The following SRGAP1 variants were observed in gnomAD, a reference collection of about 807,000 sequenced individuals.
SRGAP1 encodes the protein SLIT-ROBO Rho GTPase activating protein 1.
A neutral mutation model predicts 121.9 loss-of-function variants in SRGAP1; 43 were observed. The ratio of observed to expected loss-of-function variants is 0.35; its 90% confidence interval spans 0.28 to 0.46. The LOEUF (loss-of-function observed/expected upper bound fraction) is 0.46. Among genes scored for constraint, SRGAP1 ranks in the 20% least tolerant of loss-of-function variants. SRGAP1 has a pLI of 1.00. For synonymous variants in SRGAP1, 447 were observed against 485.4 expected (o/e 0.92, Z 1.04); for missense variants, 1,102 against 1,350.9 (o/e 0.82, Z 2.89).
intron 1 of SRGAP1, among the ~76,000 whole-genome samples, chr12:63,849,579 T>G (rs1442231556): frequency 6.6e-6 from 1 of 152,224 alleles, no homozygotes; most frequent in Non-Finnish European, 1.5e-5. Context: ...ATAATACATT[T>G]TAGTAGCAGA....
At chr12:64,137,758 A>G (rs2036877752) in intron 21 of SRGAP1, among the ~76,000 whole-genome samples, 1 of 152,040 alleles carries the variant, frequency 6.6e-6, no homozygotes, top group African/African-American at 2.4e-5. Flanking sequence ...CCGCAGCCTC[A>G]AAGTGCTCAC....
intron 16 of SRGAP1, 58 bp downstream of exon 16, chr12:64,109,095 T>A: frequency 8.5e-7 from 1 of 1,179,734 alleles, no homozygotes; most frequent in South Asian, 2.0e-5. Flanking sequence ...TGTTCTTCGA[T>A]CCTGTAAAAT....
At chr12:63,960,436 C>T (rs2136378452) in intron 1 of SRGAP1, among the ~76,000 whole-genome samples, 1 of 152,168 alleles carries the variant, frequency 6.6e-6, no homozygotes, top group South Asian at 2.1e-4. Flanking sequence ...GTTCCTCTAC[C>T]CCCAGTCTGA....
At chr12:63,868,079 GTTTTTTTTT>G (rs1565927744) in intron 1 of SRGAP1, among the ~76,000 whole-genome samples, 11 of 63,470 alleles carry the variant, frequency 1.7e-4, no homozygotes, top group African/African-American at 7.0e-4. Flanking sequence ...TTTTTTTTTT[GTTTTTTTTT>G]TTTTGTTTTT....
chr12:63,864,646 G>A (rs992161893), intron 1 of SRGAP1, among the ~76,000 whole-genome samples: 2 of 152,154 alleles, frequency 1.3e-5, no homozygotes, highest in African/African-American at 4.8e-5. Flanking sequence ...CTCAAAATAT[G>A]TGAAAGTATT....
intron 1 of SRGAP1, among the ~76,000 whole-genome samples, chr12:63,919,296 G>C (rs2030935650): frequency 1.3e-5 from 2 of 151,990 alleles, no homozygotes; most frequent in South Asian, 4.2e-4. Context: ...GGGCTCAAGT[G>C]ATCCACCTGC....
At chr12:63,911,313 AAAAAG>A (rs1276809340) in intron 1 of SRGAP1, among the ~76,000 whole-genome samples, 4 of 151,696 alleles carry the variant, frequency 2.6e-5, no homozygotes, top group African/African-American at 7.3e-5. Flanking sequence ...AAAAAAAAAA[AAAAAG>A]AAAAGAAAAC....
At chr12:63,931,980 T>C (rs1182214511) in intron 1 of SRGAP1, among the ~76,000 whole-genome samples, 3 of 152,228 alleles carry the variant, frequency 2.0e-5, no homozygotes, top group Admixed American at 2.0e-4. Context: ...ATGCCTTGCA[T>C]GTTGTCAGTC....
chr12:64,028,077 A>G (rs534721950), intron 4 of SRGAP1, among the ~76,000 whole-genome samples: 1 of 152,360 alleles, frequency 6.6e-6, no homozygotes, highest in East Asian at 1.9e-4. Flanking sequence ...TTGAAATTCT[A>G]GTAAATTTGG....
At position 64,147,099 on chromosome 12, in the gene SRGAP1, T is replaced by C. The variant is rs2037064385; in HGVS notation, c.*4427T>C. On this transcript the variant is annotated 3_prime_UTR_variant, in exon 22 of 22. Coordinates refer to ENST00000355086, the MANE Select transcript of SRGAP1 (RefSeq NM_020762.4). ...TGTGTAGTGTGATGGTTATTATAGA[T>C]ATTTAAAGTATAGTAAGTGGCTGTG... 1 of 167,540 alleles carries C rather than the reference T, an allele frequency of 6.0e-6. No individual in the cohort carries two copies. Among genetic ancestry groups the C allele is most frequent in the Non-Finnish European group, 1.3e-5 (1 of 78,856 alleles). The allele number at this position is 167,540 out of a possible 1,614,324, so 10.4% of individuals were successfully genotyped here. A position where few individuals can be genotyped will look rare whatever the true frequency, so the allele number is the denominator to read the frequency against.
At chr12:63,992,965 T>C (rs2033595906) in intron 3 of SRGAP1, among the ~76,000 whole-genome samples, 2 of 152,090 alleles carry the variant, frequency 1.3e-5, no homozygotes, top group Non-Finnish European at 2.9e-5. Flanking sequence ...ATTACAGGTG[T>C]GAAGTTCTGC....
In SRGAP1 at chr12:63,845,169, G is replaced by A. The variant is rs114692119; in HGVS notation, c.67+286G>A. On this transcript the variant is annotated intron_variant, in intron 1 of 21. Coordinates refer to ENST00000355086, the MANE Select transcript of SRGAP1 (RefSeq NM_020762.4). Reference sequence around the variant, plus strand: ...CTTTAACTTAACCACCTTCAGCTGGGCAACTTATGTGGGAAGCAGGCAGCA... The same window carrying A: ...CTTTAACTTAACCACCTTCAGCTGGACAACTTATGTGGGAAGCAGGCAGCA... Among the ~76,000 whole-genome samples the A allele has an allele frequency of 5.9e-3, 898 of 152,282 alleles. 8 individuals are homozygous for A. Among genetic ancestry groups the A allele is most frequent in the African/African-American group, 0.019 (809 of 41,544 alleles).
chr12:63,857,704 C>T (rs142264621), intron 1 of SRGAP1, among the ~76,000 whole-genome samples: 19 of 152,278 alleles, frequency 1.2e-4, no homozygotes, highest in African/African-American at 4.6e-4. Flanking sequence ...TTTACATAGC[C>T]ACTTTGCTAG....
At chr12:64,075,320 A>G (rs895138556) in intron 8 of SRGAP1, among the ~76,000 whole-genome samples, 1 of 152,356 alleles carries the variant, frequency 6.6e-6, no homozygotes, top group African/African-American at 2.4e-5. Flanking sequence ...CGCTCATGCT[A>G]TTGTTTGTGG....
At chr12:63,915,639 T>C (rs534966326) in intron 1 of SRGAP1, among the ~76,000 whole-genome samples, 1 of 152,306 alleles carries the variant, frequency 6.6e-6, no homozygotes, top group Non-Finnish European at 1.5e-5. Context: ...CCTGTGGAAA[T>C]GTGAAAAACG....
At chr12:64,069,248 T>C (rs1192457039) in intron 8 of SRGAP1, among the ~76,000 whole-genome samples, 3 of 152,150 alleles carry the variant, frequency 2.0e-5, no homozygotes, top group Admixed American at 2.0e-4. Context: ...TTGTATCACC[T>C]GCCTTAAAAC....
chr12:64,033,455 G>A (rs1285980236), intron 4 of SRGAP1, among the ~76,000 whole-genome samples: 1 of 152,136 alleles, frequency 6.6e-6, no homozygotes, highest in East Asian at 1.9e-4. Context: ...GGTGGCTCAT[G>A]CCTGTAATCC....
chr12:64,016,188 A>G (rs555680926), intron 3 of SRGAP1, among the ~76,000 whole-genome samples: 2 of 152,258 alleles, frequency 1.3e-5, no homozygotes, highest in African/African-American at 4.8e-5. Context: ...GCTTACATCT[A>G]TAATCCCAGC....
intron 21 of SRGAP1, among the ~76,000 whole-genome samples, chr12:64,131,613 A>AC (rs374222058): frequency 1.3e-5 from 2 of 152,034 alleles, no homozygotes; most frequent in African/African-American, 4.8e-5. Context: ...ATCATAGGGA[A>AC]CTCCCCATGA....
Sources: gnomAD v4.1 joint callset for allele counts (sites outside exome capture counted in the v4.1 genomes callset) on GRCh38, gnomAD v4.1.1 for gene constraint, MANE v1.5 for transcripts, NCBI Gene and HGNC (gene_info 2026-07-23, HGNC 2026-07-21) for gene names.